TOP2B: variants seen among roughly 807,000 people sequenced by gnomAD.
The protein encoded by TOP2B is DNA topoisomerase 2-beta.
Under a neutral mutation model 193.5 loss-of-function variants are expected in TOP2B, and 51 were observed. That is an observed-to-expected ratio of 0.26 (90% CI 0.21 to 0.33). The LOEUF is 0.33. Among genes scored for constraint, TOP2B ranks in the 10% least tolerant of loss-of-function variants. TOP2B has a pLI of 1.00. For missense variants in TOP2B, 1,378 were observed against 1,909.3 expected, an observed-to-expected ratio of 0.72 and a Z score of 5.19; for synonymous variants, 634 against 635.7, an observed-to-expected ratio of 1.00 and a Z score of 0.04.
rs769982121 is a variant in TOP2B, at chr3:25,630,942, A to T, written c.1267-3T>A. The stretch of plus-strand genomic sequence containing the variant: ...TCTACAATGCCACAATTAGAGGCCT[A>T]AAAATAAAAGAATAATGGTATACAA... On this transcript the variant is annotated splice_polypyrimidine_tract_variant and splice_region_variant and intron_variant, in intron 10 of 35. Transcript: ENST00000264331. 7.0e-6 allele frequency: 11 copies of T among 1,582,334 alleles called. No homozygotes were observed. The highest frequency in any genetic ancestry group is 9.4e-6 in the Non-Finnish European group (11 of 1,169,502).
intron 28 of TOP2B, among the ~76,000 whole-genome samples, chr3:25,611,840 T>C (rs1054264991): frequency 2.0e-5 from 3 of 152,198 alleles, no homozygotes; most frequent in African/African-American, 4.8e-5. Context: ...TAATGGATTA[T>C]GATGTAGCAC....
At position 25,630,369 on chromosome 3, in the gene TOP2B, G is replaced by A. The variant is rs147681016; in HGVS notation, c.1506C>T (p.Tyr502=). Residue 502 remains tyrosine, a synonymous_variant, in exon 12 of 36, where the codon TAC becomes TAT. Coordinates refer to ENST00000264331, the MANE Select transcript of TOP2B (RefSeq NM_001330700.2). ...TTTTGCCCCTGAGTGGAAAAACTCC[G>A]TATCTGTCTCGTCCAATCACACCTA... ...SGLGVIGRDR[Y]GVFPLRGKIL... 1.2e-4 allele frequency: 181 copies of A among 1,551,572 alleles called. 1 individual carries two copies. The East Asian group carries it at 2.6e-3, about 22-fold the overall frequency.
intron 1 of TOP2B, among the ~76,000 whole-genome samples, chr3:25,663,802 TAC>T (rs113174892): frequency 2.0e-5 from 3 of 151,380 alleles, no homozygotes; most frequent in Non-Finnish European, 4.4e-5. Context: ...GCATTTAGAA[TAC>T]ACACACACAC....
Position 25,660,595 on chromosome 3 carries a change from G to C in TOP2B, c.69+3634C>G, listed in dbSNP as rs188822917. On this transcript the variant is annotated intron_variant, in intron 1 of 35. Coordinates refer to ENST00000264331, the MANE Select transcript of TOP2B (RefSeq NM_001330700.2). ...TGTAAAGACAAAGTGACAAAAACAAGCCTAACTTGTGTAGGGGACAGTGAA... is the reference window on the plus strand; with the variant it reads ...TGTAAAGACAAAGTGACAAAAACAACCCTAACTTGTGTAGGGGACAGTGAA... Among the ~76,000 whole-genome samples, 43 of 152,264 alleles carry C rather than the reference G, an allele frequency of 2.8e-4. No individual in the cohort carries two copies. In the East Asian group the frequency reaches 7.5e-3, roughly 27 times the overall value.
At chr3:25,601,713 T>C (rs1702100583) in intron 33 of TOP2B, among the ~76,000 whole-genome samples, 1 of 152,212 alleles carries the variant, frequency 6.6e-6, no homozygotes, top group Admixed American at 6.5e-5. Flanking sequence ...AAATGCTTTT[T>C]ATTTAATTAT....
chr3:25,622,436 GTC>G lies in TOP2B; in HGVS notation c.2727+1077_2727+1078del, dbSNP rs533890416. On this transcript the variant is annotated intron_variant, in intron 21 of 35. Coordinates refer to ENST00000264331, the MANE Select transcript of TOP2B (RefSeq NM_001330700.2). ...ACTTGGAAAAATACATCAAAATATT[GTC>G]TCTATATTGTGGGTTTATGGATTTT... 6.6e-5 allele frequency among the ~76,000 whole-genome samples: 10 copies of G among 152,102 alleles called. No individual in the cohort carries two copies. The South Asian group carries it at 2.1e-3, about 32-fold the overall frequency.
intron 13 of TOP2B, among the ~76,000 whole-genome samples, chr3:25,629,593 T>C (rs1370681257): frequency 3.9e-5 from 6 of 152,176 alleles, no homozygotes; most frequent in Non-Finnish European, 7.4e-5. Context: ...ACAAATACTT[T>C]AGAGTGCATA....
rs1345481431 is a variant in TOP2B, at chr3:25,620,044, A to G, written c.2881T>C (p.Leu961=). ...TWTQVYKEQV[L]EPMLNGTDKT... ...TCTGTTCCATTTAGCATAGGTTCTAAAACCTGTTCTTTATATACCTATAAA... is the reference window on the plus strand; with the variant it reads ...TCTGTTCCATTTAGCATAGGTTCTAGAACCTGTTCTTTATATACCTATAAA... The change falls in exon 23 of 36, where the codon TTA becomes CTA. Residue 961 remains leucine (L), a synonymous_variant. Coordinates refer to ENST00000264331, the MANE Select transcript of TOP2B (RefSeq NM_001330700.2). 6.5e-7 allele frequency: 1 copy of G among 1,536,128 alleles called. No homozygotes were observed. Among genetic ancestry groups the G allele is most frequent in the Non-Finnish European group, 8.8e-7 (1 of 1,131,980 alleles).
rs1222483196 is a variant in TOP2B at position 25,664,642 on chromosome 3, G to C, written c.-345C>G. 2.0e-6 allele frequency: 2 copies of C among 989,358 alleles called. No individual in the cohort carries two copies. The highest frequency in any genetic ancestry group is 2.4e-6 in the Non-Finnish European group (2 of 833,050). 61.3% of individuals were successfully genotyped at this position (989,358 alleles called of 1,614,324 possible). On this transcript the variant is annotated 5_prime_UTR_variant, in exon 1 of 36. Transcript: ENST00000264331. ...GCAGGCCGGGCTGAAGCCCGGGCGT[G>C]CGAGCCGCGAGGGCGGCCGGGGAGC... is the stretch of plus-strand genomic sequence containing the variant.
intron 1 of TOP2B, among the ~76,000 whole-genome samples, chr3:25,662,139 C>A (rs1703934212): frequency 6.6e-6 from 1 of 152,228 alleles, no homozygotes; most frequent in Admixed American, 6.5e-5. Flanking sequence ...AAGCCCAGCA[C>A]TGTGCTACAC....
intron 6 of TOP2B, 29 bp from the exon 7 acceptor site, chr3:25,636,177 T>C (rs1449678708): frequency 1.4e-6 from 2 of 1,388,192 alleles, no homozygotes; most frequent in Middle Eastern, 1.8e-4. Flanking sequence ...CAAATATTTC[T>C]ATAATGCTTC....
At chr3:25,598,974 C>T (rs7621736) in intron 35 of TOP2B, among the ~76,000 whole-genome samples, 3 of 151,658 alleles carry the variant, frequency 2.0e-5, no homozygotes, top group Non-Finnish European at 4.4e-5. Flanking sequence ...AAAAGGGATG[C>T]GGGGGAGCTG....
chr3:25,622,603 A>C (rs1303688560), intron 21 of TOP2B, among the ~76,000 whole-genome samples: 2 of 151,760 alleles, frequency 1.3e-5, no homozygotes, highest in Non-Finnish European at 2.9e-5. Context: ...AGAGTGAATG[A>C]TACAAGAAAA....
Position 25,630,659 on chromosome 3 carries a change from G to T in TOP2B, c.1405+142C>A, listed in dbSNP as rs1343708220. 6 of 877,914 alleles carry T rather than the reference G, an allele frequency of 6.8e-6. No homozygotes were observed. The African/African-American group carries it at 1.0e-4, about 15-fold the overall frequency. The allele number at this position is 877,914 out of a possible 1,614,324, so 54.4% of individuals were successfully genotyped here. A position where few individuals can be genotyped will look rare whatever the true frequency, so the allele number is the denominator to read the frequency against. On this transcript the variant is annotated intron_variant, in intron 11 of 35. Transcript: ENST00000264331. Reference sequence around the variant, plus strand: ...ATCCCCTGAAAATTAGTAATATGTTGTGTATGTGATAATTTCAATGAAGTA... The same window carrying T: ...ATCCCCTGAAAATTAGTAATATGTTTTGTATGTGATAATTTCAATGAAGTA...
At chr3:25,659,754 A>G (rs1166378923) in intron 1 of TOP2B, among the ~76,000 whole-genome samples, 1 of 152,246 alleles carries the variant, frequency 6.6e-6, no homozygotes, top group Non-Finnish European at 1.5e-5. Context: ...AAAGACAGGT[A>G]TATCCCAGAT....
rs749493752 is a variant in TOP2B at position 25,643,704 on chromosome 3, A to G, written c.321T>C (p.Asp107=). The G allele has an allele frequency of 6.8e-6, 11 of 1,612,786 alleles. No homozygotes were observed. Among genetic ancestry groups the G allele is most frequent in the Non-Finnish European group, 9.3e-6 (11 of 1,179,206 alleles). The change falls in exon 3 of 36, where the codon GAT becomes GAC. Residue 107 remains aspartate (D), a synonymous_variant. Coordinates refer to ENST00000264331, the MANE Select transcript of TOP2B (RefSeq NM_001330700.2). The stretch of plus-strand genomic sequence containing the variant: ...TAAGCAAGTACTCACCCAAAATTTC[A>G]TCAAAGATCTTGTATAAACCTGGCA... ...TFVPGLYKIF[D]EILVNAADNK... is the part of the protein sequence containing the mutation.
intron 11 of TOP2B, 68 bp downstream of exon 11, chr3:25,630,732 TA>T: frequency 1.5e-6 from 2 of 1,363,416 alleles, no homozygotes; most frequent in Non-Finnish European, 1.9e-6. Context: ...ATGTAGAAAA[TA>T]AAAAAATTCT....
intron 25 of TOP2B, among the ~76,000 whole-genome samples, chr3:25,617,925 C>T (rs1214760768): frequency 6.6e-6 from 1 of 152,144 alleles, no homozygotes; most frequent in South Asian, 2.1e-4. Context: ...AAAATCTAAG[C>T]ATGAGGCAGA....
chr3:25,628,919 T>C lies in TOP2B; in HGVS notation c.1834A>G (p.Ser612Gly). The C allele has an allele frequency of 6.3e-7, 1 of 1,599,896 alleles. No individual in the cohort carries two copies. Among genetic ancestry groups the C allele is most frequent in the Non-Finnish European group, 8.5e-7 (1 of 1,176,060 alleles). Residue 612 changes from serine to glycine, a missense_variant, in exon 15 of 36, where the codon AGT (serine) becomes GGT (glycine). By Grantham distance (56) the Ser-to-Gly change is moderately conservative (BLOSUM62 0). Around this residue, in one of 9 missense-constraint regions of TOP2B, gnomAD observed 379 missense variants for 615.1 expected, o/e 0.62. Transcript: ENST00000264331. ...TTCCATTCGTCAAATTCAGGAATAC[T>C]GTAGAAGGAAAGTTCCTGCTTATTT... ...SKNKQELSFY[S>G]IPEFDEWKKH...
Sources: gnomAD v4.1 joint callset for allele counts (sites outside exome capture counted in the v4.1 genomes callset) on GRCh38, gnomAD v4.1.1 for gene constraint, gnomAD v4.1.1 regional missense constraint, MANE v1.5 for transcripts, NCBI Gene and HGNC (gene_info 2026-07-23, HGNC 2026-07-21) for gene names.